Variants in DCDC1 observed in about 807,000 individuals in gnomAD.
DCDC1 encodes the protein doublecortin domain-containing protein 1.
DCDC1 carries 200 observed loss-of-function variants against 178.3 expected under a neutral mutation model. That is an observed-to-expected ratio of 1.12 (90% confidence interval 1.00 to 1.26). DCDC1 has a LOEUF of 1.26. DCDC1 is among the 50% of genes most tolerant of loss of function. The pLI is 0.00. For synonymous variants in DCDC1, 690 were observed against 604.8 expected (o/e 1.14, Z -2.07); for missense variants, 1,983 against 1,749.2 (o/e 1.13, Z -2.38).
At chr11:31,334,431 G>A (rs1950167017) in intron 2 of DCDC1, among the ~76,000 whole-genome samples, 1 of 152,192 alleles carries the variant, frequency 6.6e-6, no homozygotes, top group African/African-American at 2.4e-5. Flanking sequence ...TGCTGGCGAG[G>A]AGCTGCGATG....
intron 9 of DCDC1, among the ~76,000 whole-genome samples, chr11:31,157,342 C>A: frequency 8.5e-6 from 1 of 117,938 alleles, no homozygotes; most frequent in South Asian, 2.9e-4. Flanking sequence ...AGAGAAAGAG[C>A]AAGACCCTTT....
intron 8 of DCDC1, among the ~76,000 whole-genome samples, chr11:31,262,240 C>A (rs1227839490): frequency 6.7e-6 from 1 of 149,660 alleles, no homozygotes; most frequent in African/African-American, 2.5e-5. Context: ...GCACTCCAGC[C>A]TGGGCAACAG....
intron 15 of DCDC1, among the ~76,000 whole-genome samples, chr11:31,095,074 G>A (rs1326867042): frequency 3.3e-5 from 5 of 152,078 alleles, no homozygotes; most frequent in African/African-American, 4.8e-5. Flanking sequence ...TTAGTTTGCT[G>A]AGAATGATGG....
intron 35 of DCDC1, among the ~76,000 whole-genome samples, chr11:30,893,704 T>C (rs1424572362): frequency 2.0e-5 from 3 of 152,202 alleles, no homozygotes; most frequent in African/African-American, 7.2e-5. Flanking sequence ...ATCATTTTGA[T>C]GAAAAACTTC....
chr11:31,144,133 T>C (rs1213066780), intron 9 of DCDC1, among the ~76,000 whole-genome samples: 1 of 152,106 alleles, frequency 6.6e-6, no homozygotes, highest in African/African-American at 2.4e-5. Context: ...TATTTTTTTA[T>C]TATATTTTAT....
At chr11:31,369,591 G>C (rs1202367339) in intron 1 of DCDC1, 106 bp downstream of exon 1, 9 of 152,866 alleles carry the variant, frequency 5.9e-5, no homozygotes. Flanking sequence ...GGGATGGCGA[G>C]GGGGTGCTCG....
At chr11:31,355,564 CTTTTTCT>C (rs995776915) in intron 1 of DCDC1, among the ~76,000 whole-genome samples, 6 of 151,842 alleles carry the variant, frequency 4.0e-5, no homozygotes, top group African/African-American at 9.7e-5. Flanking sequence ...TCTTAACATT[CTTTTTCT>C]TTTTTCTTTT....
chr11:31,280,705 G>A (rs1180650218), intron 7 of DCDC1: 2 of 572,306 alleles, frequency 3.5e-6, no homozygotes, highest in East Asian at 8.4e-5. Context: ...AAGCTAACAA[G>A]TCTGCCCTTT....
intron 1 of DCDC1, among the ~76,000 whole-genome samples, chr11:31,345,578 C>T (rs1950771062): frequency 6.6e-6 from 1 of 151,638 alleles, no homozygotes; most frequent in South Asian, 2.1e-4. Context: ...AAATGGGACA[C>T]TCTGAAAAGT....
chr11:30,869,784 C>T (rs150321022), intron 38 of DCDC1, among the ~76,000 whole-genome samples: 194 of 152,300 alleles, frequency 1.3e-3, no homozygotes, highest in Non-Finnish European at 2.4e-3. Context: ...AGAACCCAGA[C>T]TTCAGAGCCA....
chr11:30,995,967 G>C (rs1244080715), intron 20 of DCDC1, among the ~76,000 whole-genome samples: 1 of 152,050 alleles, frequency 6.6e-6, no homozygotes, highest in Non-Finnish European at 1.5e-5. Context: ...AAGCACTTAA[G>C]AAAATGAAAG....
intron 34 of DCDC1, 60 bp from the exon 35 acceptor site, chr11:30,894,444 A>C: frequency 6.3e-7 from 1 of 1,591,786 alleles, no homozygotes; most frequent in Non-Finnish European, 8.5e-7. Flanking sequence ...ATTTCAAATA[A>C]ACTGATTTGG....
intron 9 of DCDC1, among the ~76,000 whole-genome samples, chr11:31,231,629 C>G (rs1016755920): frequency 2.0e-5 from 3 of 152,050 alleles, no homozygotes; most frequent in Non-Finnish European, 4.4e-5. Flanking sequence ...CTTTGTATAC[C>G]TTCAGGGGAA....
chr11:31,272,674 T>C (rs1055638725), intron 7 of DCDC1, among the ~76,000 whole-genome samples: 5 of 152,216 alleles, frequency 3.3e-5, no homozygotes, highest in African/African-American at 1.2e-4. Context: ...AATGATCTCC[T>C]TTGACTCCAT....
At chr11:30,934,530 A>T (rs163876) in intron 21 of DCDC1, among the ~76,000 whole-genome samples, 103,176 of 152,016 alleles carry the variant, frequency 0.68, 35,380 homozygotes, top group Middle Eastern at 0.81. Context: ...CTTACTGAAT[A>T]CTGCCCCCTG....
chr11:30,949,902 T>C (rs891597289), intron 21 of DCDC1, among the ~76,000 whole-genome samples: 3 of 152,090 alleles, frequency 2.0e-5, no homozygotes, highest in East Asian at 1.9e-4. Context: ...ATACCTAATA[T>C]AGATGATGGG....
intron 7 of DCDC1, among the ~76,000 whole-genome samples, chr11:31,280,331 C>T (rs1946334174): frequency 6.6e-6 from 1 of 152,174 alleles, no homozygotes; most frequent in African/African-American, 2.4e-5. Flanking sequence ...TAACCAGTTA[C>T]ATACATCTAA....
chr11:31,016,009 T>C (rs1186193261), intron 20 of DCDC1, among the ~76,000 whole-genome samples: 2 of 152,142 alleles, frequency 1.3e-5, no homozygotes, highest in Non-Finnish European at 2.9e-5. Context: ...AAATTATATC[T>C]AGAGATTGAG....
chr11:30,933,156 G>C (rs1245950768), intron 21 of DCDC1, among the ~76,000 whole-genome samples: 2 of 151,976 alleles, frequency 1.3e-5, no homozygotes, highest in East Asian at 3.9e-4. Flanking sequence ...GTACTGCTTT[G>C]ATTATAATAT....
Sources: allele counts gnomAD v4.1 joint callset (sites outside exome capture counted in the v4.1 genomes callset), GRCh38; gene constraint gnomAD v4.1.1; transcripts MANE v1.5; gene names NCBI Gene and HGNC (gene_info 2026-07-23, HGNC 2026-07-21).